The following PRKACB variants were observed in gnomAD, a reference collection of about 807,000 sequenced individuals.
The protein encoded by PRKACB is protein kinase cAMP-activated catalytic subunit beta.
PRKACB carries 16 observed loss-of-function variants against 51.4 expected under a neutral mutation model. The observed-to-expected ratio is 0.31, with a 90% CI of 0.21 to 0.47. PRKACB has a LOEUF of 0.47. Ranked by LOEUF, PRKACB falls within the 20% of genes least tolerant of loss-of-function variation. PRKACB has a pLI of 1.00. For missense variants in PRKACB, 309 were observed against 464.5 expected (o/e 0.67, Z 3.08); for synonymous variants, 147 against 154.4 (o/e 0.95, Z 0.35).
intron 5 of PRKACB, among the ~76,000 whole-genome samples, chr1:84,192,835 T>G (rs1667185168): frequency 6.6e-6 from 1 of 152,170 alleles, no homozygotes; most frequent in South Asian, 2.1e-4. Flanking sequence ...GAAAATATCT[T>G]GGCATGCCTT....
intron 1 of PRKACB, among the ~76,000 whole-genome samples, chr1:84,096,703 C>T (rs1571562675): frequency 6.6e-6 from 1 of 152,178 alleles, no homozygotes; most frequent in African/African-American, 2.4e-5. Context: ...TTTTATATAT[C>T]ACTTTATTGA....
At chr1:84,086,556 C>G (rs1403456714) in intron 1 of PRKACB, among the ~76,000 whole-genome samples, 1 of 152,216 alleles carries the variant, frequency 6.6e-6, no homozygotes, top group Non-Finnish European at 1.5e-5. Flanking sequence ...CCCTTCCGAT[C>G]TGAAGCCTCG....
chr1:84,098,582 A>G (rs900297815), intron 1 of PRKACB, among the ~76,000 whole-genome samples: 9 of 152,114 alleles, frequency 5.9e-5, no homozygotes, highest in African/African-American at 2.2e-4. Context: ...AGTCATCTAG[A>G]AGAGTGGGAG....
chr1:84,110,047 C>CATGTGT (rs751807282), intron 1 of PRKACB, among the ~76,000 whole-genome samples: 1 of 151,836 alleles, frequency 6.6e-6, no homozygotes, highest in Non-Finnish European at 1.5e-5. Context: ...CCCCAAAGTG[C>CATGTGT]ATGTGTATGT....
chr1:84,084,361 G>T (rs938079161), intron 1 of PRKACB, among the ~76,000 whole-genome samples: 2 of 152,082 alleles, frequency 1.3e-5, no homozygotes, highest in Non-Finnish European at 1.5e-5. Flanking sequence ...TGAAACTGAA[G>T]AAATGGACAG....
chr1:84,226,274 G>C (rs1357118), intron 9 of PRKACB, among the ~76,000 whole-genome samples: 6 of 18,450 alleles, frequency 3.3e-4, no homozygotes, highest in African/African-American at 4.5e-4. Context: ...TGGGTTTTTT[G>C]TTTTTTTTTT....
intron 8 of PRKACB, 58 bp downstream of exon 8, chr1:84,202,863 T>C: frequency 7.1e-7 from 1 of 1,410,308 alleles, no homozygotes; most frequent in Non-Finnish European, 9.7e-7. Context: ...TTAAGCTTCA[T>C]GAATTGAAAC....
intron 2 of PRKACB, among the ~76,000 whole-genome samples, chr1:84,180,588 G>T (rs1288906796): frequency 6.6e-6 from 1 of 151,702 alleles, no homozygotes; most frequent in East Asian, 1.9e-4. Flanking sequence ...AAAAATAAAA[G>T]ATATTATAAC....
At chr1:84,114,154 A>T (rs1164216256) in intron 1 of PRKACB, among the ~76,000 whole-genome samples, 1 of 152,150 alleles carries the variant, frequency 6.6e-6, no homozygotes, top group African/African-American at 2.4e-5. Context: ...CATGAACATG[A>T]TGTCCATTAT....
At chr1:84,205,073 A>G in intron 8 of PRKACB, 1 of 982,258 alleles carries the variant, frequency 1.0e-6, no homozygotes. Context: ...CCCTTCATTT[A>G]TTTAGAAATA....
In PRKACB at chr1:84,184,080, G is replaced by T; in HGVS notation, c.422G>T (p.Arg141Ile). ...ATAGAGCATACTTTGAATGAGAAAAGAATATTACAGGCAGTGAATTTTCCT... is the reference window on the plus strand; with the variant it reads ...ATAGAGCATACTTTGAATGAGAAAATAATATTACAGGCAGTGAATTTTCCT... ...KQIEHTLNEKRILQAVNFPFL... is the reference protein window; with the variant it reads ...KQIEHTLNEKIILQAVNFPFL... The change falls in exon 4 of 10, where the codon AGA becomes ATA. Residue 141 changes from arginine (R) to isoleucine (I), a missense_variant. Physicochemically the swap from Arg to Ile is moderately conservative, Grantham distance 97. Transcript: ENST00000370685. 6.2e-7 allele frequency: 1 copy of T among 1,603,918 alleles called. No individual in the cohort carries two copies.
chr1:84,120,814 T>A (rs1228994219), intron 1 of PRKACB, among the ~76,000 whole-genome samples: 1 of 152,050 alleles, frequency 6.6e-6, no homozygotes, highest in African/African-American at 2.4e-5. Flanking sequence ...AGTCATAGAT[T>A]CAGTGAAATA....
chr1:84,105,330 C>G (rs1181889566), intron 1 of PRKACB, among the ~76,000 whole-genome samples: 3 of 152,052 alleles, frequency 2.0e-5, no homozygotes, highest in Non-Finnish European at 4.4e-5. Context: ...TGGAGAGAAA[C>G]TTTCCTCTTT....
chr1:84,203,319 G>T (rs1024608462), intron 8 of PRKACB, among the ~76,000 whole-genome samples: 28 of 151,858 alleles, frequency 1.8e-4, no homozygotes, highest in Non-Finnish European at 2.4e-4. Flanking sequence ...ACTTGTCATT[G>T]GTTTTTAGCA....
chr1:84,086,141 C>T, intron 1 of PRKACB: 3 of 1,594,838 alleles, frequency 1.9e-6, no homozygotes, highest in Non-Finnish European at 2.6e-6. Flanking sequence ...GCCCACTGTG[C>T]TGGCCATGAA....
At chr1:84,089,282 G>A (rs1425353027) in intron 1 of PRKACB, among the ~76,000 whole-genome samples, 1 of 151,858 alleles carries the variant, frequency 6.6e-6, no homozygotes, top group African/African-American at 2.4e-5. Context: ...GACTATTTGG[G>A]GATAATAGTT....
At chr1:84,204,647 T>G in intron 8 of PRKACB, 1 of 1,139,084 alleles carries the variant, frequency 8.8e-7, no homozygotes, top group East Asian at 2.9e-5. Context: ...AGAAGAATAT[T>G]TTACTAATAC....
At chr1:84,183,878 AT>A (rs1487557018) in intron 3 of PRKACB, among the ~76,000 whole-genome samples, 158 bp from the exon 4 acceptor site, 6 of 151,998 alleles carry the variant, frequency 3.9e-5, no homozygotes, top group African/African-American at 1.4e-4. Flanking sequence ...GCAATTACTT[AT>A]GCACCAACCT....
intron 8 of PRKACB, among the ~76,000 whole-genome samples, chr1:84,209,800 A>G (rs1485455200): frequency 6.6e-6 from 1 of 152,246 alleles, no homozygotes; most frequent in Admixed American, 6.5e-5. Flanking sequence ...TTGTTTACTT[A>G]TATAATCCAA....
Sources: gnomAD v4.1 joint callset for allele counts (sites outside exome capture counted in the v4.1 genomes callset) on GRCh38, gnomAD v4.1.1 for gene constraint, MANE v1.5 for transcripts, NCBI Gene and HGNC (gene_info 2026-07-23, HGNC 2026-07-21) for gene names.